Variants in PLK1 observed in about 807,000 individuals in gnomAD.
The protein encoded by PLK1 is polo like kinase 1, also known as serine/threonine-protein kinase PLK1.
In PLK1, 6 loss-of-function variants were observed where a neutral mutation model predicts 56.7. That is an observed-to-expected ratio of 0.11 (90% CI 0.06 to 0.21). The LOEUF is 0.21. Among genes scored for constraint, PLK1 ranks in the 10% least tolerant of loss-of-function variants. PLK1 has a pLI of 1.00. For synonymous variants in PLK1, 298 were observed against 325.0 expected (o/e 0.92, Z 0.89); for missense variants, 546 against 814.4 (o/e 0.67, Z 4.01).
rs775691254 is a variant in PLK1 at position 23,683,943 on chromosome 16, A to G, written c.890A>G (p.Asn297Ser). The G allele has an allele frequency of 5.0e-6, 8 of 1,613,970 alleles. No homozygotes were observed. In the African/African-American group the frequency reaches 1.1e-4, roughly 22 times the overall value. ...GATCCCACTGCCCGCCCAACCATTA[A>G]CGAGCTGCTTAATGACGAGTTCTTT... ...QTDPTARPTI[N>S]ELLNDEFFTS... The change falls in exon 5 of 10, where the codon AAC becomes AGC. Residue 297 changes from asparagine to serine, a missense_variant. Around this residue, in one of 7 missense-constraint regions of PLK1, gnomAD observed 157 missense variants for 184.0 expected, o/e 0.85. Coordinates refer to ENST00000300093, the MANE Select transcript of PLK1 (RefSeq NM_005030.6).
Position 23,680,077 on chromosome 16 carries a change from C to T in PLK1, c.409-7C>T, listed in dbSNP as rs148089999. 3.7e-6 allele frequency: 6 copies of T among 1,611,324 alleles called. No homozygotes were observed. In the African/African-American group the frequency reaches 8.0e-5, roughly 22 times the overall value. Reference sequence around the variant, plus strand: ...CATCCCTCCTGCCCTCTCCTTCCCACCCACAGTCTCTCCTGGAGCTGCACA... The same window carrying T: ...CATCCCTCCTGCCCTCTCCTTCCCATCCACAGTCTCTCCTGGAGCTGCACA... On this transcript the variant is annotated splice_polypyrimidine_tract_variant and splice_region_variant and intron_variant, in intron 1 of 9. Transcript: ENST00000300093.
Position 23,689,403 on chromosome 16 carries a change from T to A in PLK1, c.1425+11T>A. ...TCCTTGATGAAGAAGGTGAGTGCCG[T>A]CCGGCCCATGGGGGGTGGTGTTGCA... On this transcript the variant is annotated intron_variant, in intron 8 of 9. Transcript: ENST00000300093. The surrounding 1 kb of genome is among the most constrained non-coding windows in gnomAD (Gnocchi z 4.8). 1 of 1,605,122 alleles carries A rather than the reference T, an allele frequency of 6.2e-7. No homozygotes were observed. Among genetic ancestry groups the A allele is most frequent in the South Asian group, 1.1e-5 (1 of 90,978 alleles).
Position 23,684,517 on chromosome 16 carries a change from C to G in PLK1, c.1036+428C>G, listed in dbSNP as rs566465990. 4.3e-4 allele frequency among the ~76,000 whole-genome samples: 66 copies of G among 152,144 alleles called. 1 individual carries two copies. Among genetic ancestry groups the G allele is most frequent in the African/African-American group, 1.2e-3 (51 of 41,506 alleles). The stretch of plus-strand genomic sequence containing the variant: ...GTCAGGCATGCACCACCATGCCTGG[C>G]TGACTTTTCTAATTTTTGTAGAGAC... On this transcript the variant is annotated intron_variant, in intron 5 of 9. Coordinates refer to ENST00000300093, the MANE Select transcript of PLK1 (RefSeq NM_005030.6).
intron 5 of PLK1, chr16:23,687,209 A>G (rs1597136387): frequency 3.6e-6 from 1 of 278,476 alleles, no homozygotes; most frequent in South Asian, 1.3e-4. Context: ...GGTGCCTTCA[A>G]GCTGTTTGCC....
chr16:23,680,409 G>T (rs993118262), intron 2 of PLK1, among the ~76,000 whole-genome samples, 157 bp downstream of exon 2: 1 of 152,050 alleles, frequency 6.6e-6, no homozygotes, highest in Non-Finnish European at 1.5e-5. Context: ...TTTTTACAAA[G>T]AATTTGAATT....
chr16:23,685,242 C>CTGG (rs1959408207), intron 5 of PLK1, among the ~76,000 whole-genome samples: 1 of 151,774 alleles, frequency 6.6e-6, no homozygotes, highest in Non-Finnish European at 1.5e-5. Flanking sequence ...ACAAAAAACT[C>CTGG]CCCAGAGTTC....
In PLK1 at chr16:23,679,014, C is replaced by A; in HGVS notation, c.82C>A (p.Pro28Thr). The change falls in exon 1 of 10, where the codon CCC (proline) becomes ACC (threonine). Residue 28 changes from proline to threonine, a missense_variant. This residue lies in a region of PLK1 where 72 missense variants were observed against 63.7 expected (regional missense o/e 1.13). Transcript: ENST00000300093. Reference sequence around the variant, plus strand: ...AGCCGGGGTCCCCGGAGTTGCAGCTCCCGGAGCTCCGGCGGCGGCTCCACC... The same window carrying A: ...AGCCGGGGTCCCCGGAGTTGCAGCTACCGGAGCTCCGGCGGCGGCTCCACC... The part of the protein sequence containing the change: ...GKAGVPGVAA[P>T]GAPAAAPPAK... The A allele has an allele frequency of 6.2e-7, 1 of 1,607,772 alleles. No individual in the cohort carries two copies. The highest frequency in any genetic ancestry group is 8.5e-7 in the Non-Finnish European group (1 of 1,177,528).
rs1959285749 is a variant in PLK1 at position 23,679,214 on chromosome 16, G to A, written c.282G>A (p.Gln94=). 12 of 1,614,070 alleles carry A rather than the reference G, an allele frequency of 7.4e-6. No individual in the cohort carries two copies. Among genetic ancestry groups the A allele is most frequent in the African/African-American group, 1.3e-5 (1 of 74,946 alleles). The part of the protein sequence containing the change: ...VPKSLLLKPH[Q]REKMSMEISI... ...AGTCTCTGCTGCTCAAGCCGCACCAGAGGGAGAAGATGTCCATGGAAATAT... is the reference window on the plus strand; with the variant it reads ...AGTCTCTGCTGCTCAAGCCGCACCAAAGGGAGAAGATGTCCATGGAAATAT... Residue 94 remains glutamine, a synonymous_variant, in exon 1 of 10, where the codon CAG becomes CAA. Coordinates refer to ENST00000300093, the MANE Select transcript of PLK1 (RefSeq NM_005030.6).
At chr16:23,683,836 AT>A in intron 4 of PLK1, 33 bp from the exon 5 acceptor site, 1 of 1,554,232 alleles carries the variant, frequency 6.4e-7, no homozygotes, top group Non-Finnish European at 8.9e-7. Context: ...TCCCCTTCAC[AT>A]TCTGCTTATG....
Position 23,689,465 on chromosome 16 carries a change from C to A in PLK1, c.1426-29C>A, listed in dbSNP as rs1438754827. On this transcript the variant is annotated intron_variant, in intron 8 of 9. Transcript: ENST00000300093. The surrounding 1 kb of genome is among the most constrained non-coding windows in gnomAD (Gnocchi z 4.8). ...TGTGCTGGAGGATCAGACTCTAATT[C>A]TGGAACCCCTTACCTACTTTTCATC... 6.3e-7 allele frequency: 1 copy of A among 1,599,996 alleles called. No individual in the cohort carries two copies. The highest frequency in any genetic ancestry group is 8.6e-7 in the Non-Finnish European group (1 of 1,168,388).
At chr16:23,687,265 C>T (rs144476468) in intron 5 of PLK1, 284 of 383,102 alleles carry the variant, frequency 7.4e-4, no homozygotes, top group African/African-American at 5.2e-3. Context: ...GGTCAGAGGC[C>T]ACGGCTTCTG....
chr16:23,683,624 G>A (rs185784574), intron 4 of PLK1, among the ~76,000 whole-genome samples: 25 of 152,250 alleles, frequency 1.6e-4, no homozygotes, highest in Admixed American at 1.3e-3. Context: ...TGCTTTCCTG[G>A]CACATAGTGA....
intron 6 of PLK1, 195 bp downstream of exon 6, chr16:23,687,819 C>T (rs772279310): frequency 1.8e-5 from 7 of 397,434 alleles, no homozygotes; most frequent in African/African-American, 1.4e-4. Flanking sequence ...CTTTTTTACT[C>T]TAGCACCTCG....
In PLK1 at chr16:23,679,543, C is replaced by T. The variant is rs1597133625; in HGVS notation, c.408+203C>T. Reference sequence around the variant, plus strand: ...CTGGGAGCTGCTAGAGGAGGGGGTTCCAGTGAAGTGGAGTCTGAGTCATGT... The same window carrying T: ...CTGGGAGCTGCTAGAGGAGGGGGTTTCAGTGAAGTGGAGTCTGAGTCATGT... On this transcript the variant is annotated intron_variant, in intron 1 of 9. Coordinates refer to ENST00000300093, the MANE Select transcript of PLK1 (RefSeq NM_005030.6). 12 of 565,284 alleles carry T rather than the reference C, an allele frequency of 2.1e-5. No homozygotes were observed. The East Asian group carries it at 3.6e-4, about 17-fold the overall frequency. 35.0% of individuals were successfully genotyped at this position (565,284 alleles called of 1,614,324 possible). A position where few individuals can be genotyped will look rare whatever the true frequency, so the allele number is the denominator to read the frequency against.
At chr16:23,684,310 T>C (rs1959389883) in intron 5 of PLK1, among the ~76,000 whole-genome samples, 1 of 152,164 alleles carries the variant, frequency 6.6e-6, no homozygotes, top group South Asian at 2.1e-4. Flanking sequence ...AAGAAGAAAA[T>C]GGATTGAATG....
chr16:23,680,180 C>G lies in PLK1; in HGVS notation c.505C>G (p.Arg169Gly). Residue 169 changes from arginine (R) to glycine (G), a missense_variant, in exon 2 of 10, where the codon CGA (arginine) becomes GGA (glycine). Arg to Gly is a moderately radical substitution (Grantham distance 125). Around this residue, in one of 7 missense-constraint regions of PLK1, gnomAD observed 111 missense variants for 211.8 expected, o/e 0.52. Coordinates refer to ENST00000300093, the MANE Select transcript of PLK1 (RefSeq NM_005030.6). The stretch of plus-strand genomic sequence containing the variant: ...TGTGCTTGGCTGCCAGTACCTGCAC[C>G]GAAACCGAGTTATTCATCGAGACCT... ...QIVLGCQYLH[R>G]NRVIHRDLKL... 5 of 1,613,834 alleles carry G rather than the reference C, an allele frequency of 3.1e-6. No individual in the cohort carries two copies. Among genetic ancestry groups the G allele is most frequent in the South Asian group, 1.1e-5 (1 of 91,070 alleles).
intron 4 of PLK1, among the ~76,000 whole-genome samples, chr16:23,682,495 C>A (rs1232918801): frequency 2.7e-5 from 4 of 149,404 alleles, no homozygotes; most frequent in Non-Finnish European, 5.9e-5. Context: ...TGCCACTTAG[C>A]GAGATCACAT....
rs371102325 is a variant in PLK1 at position 23,689,405 on chromosome 16, C to T, written c.1425+13C>T. 1.1e-5 allele frequency: 17 copies of T among 1,604,538 alleles called. No homozygotes were observed. The highest frequency in any genetic ancestry group is 1.7e-4 in the Middle Eastern group (1 of 6,054). On this transcript the variant is annotated intron_variant, in intron 8 of 9. Coordinates refer to ENST00000300093, the MANE Select transcript of PLK1 (RefSeq NM_005030.6). The surrounding 1 kb of genome is among the most constrained non-coding windows in gnomAD (Gnocchi z 4.8). ...CTTGATGAAGAAGGTGAGTGCCGTC[C>T]GGCCCATGGGGGGTGGTGTTGCAGA... is the stretch of plus-strand genomic sequence containing the variant.
chr16:23,683,497 G>T (rs1027381169), intron 4 of PLK1, among the ~76,000 whole-genome samples: 4 of 152,102 alleles, frequency 2.6e-5, no homozygotes, highest in Admixed American at 6.5e-5. Flanking sequence ...GCTAGACAAG[G>T]CCTTCACCCT....
Sources: allele counts gnomAD v4.1 joint callset (sites outside exome capture counted in the v4.1 genomes callset), GRCh38; gene constraint gnomAD v4.1.1; regional missense constraint gnomAD v4.1.1; non-coding constraint Gnocchi (gnomAD v3.1); transcripts MANE v1.5; gene names NCBI Gene and HGNC (gene_info 2026-07-23, HGNC 2026-07-21).